Variants in NF1 observed in about 807,000 individuals in gnomAD.
NF1 encodes neurofibromin.
A neutral mutation model predicts 325.7 loss-of-function variants in NF1; 122 were observed. That is an observed-to-expected ratio of 0.37 (90% CI 0.32 to 0.44). The LOEUF is 0.44. Ranked by LOEUF, NF1 falls within the 20% of genes least tolerant of loss-of-function variation. The probability of loss-of-function intolerance (pLI) is 1.00; values close to 1 mark genes in which losing one functional copy is unlikely to be tolerated. For missense variants in NF1, 2,140 were observed against 3,415.4 expected, an observed-to-expected ratio of 0.63 and a Z score of 9.31; for synonymous variants, 1,091 against 1,186.0, an observed-to-expected ratio of 0.92 and a Z score of 1.65.
chr17:31,109,704 A>C (rs74728167), intron 1 of NF1, among the ~76,000 whole-genome samples: 2,258 of 152,236 alleles, frequency 0.015, 30 homozygotes, highest in Non-Finnish European at 0.024. Flanking sequence ...TTTCAACTAG[A>C]ACAATTAGAA....
intron 8 of NF1, among the ~76,000 whole-genome samples, chr17:31,183,715 C>G (rs950454566): frequency 3.9e-5 from 6 of 152,092 alleles, no homozygotes; most frequent in Admixed American, 3.9e-4. Flanking sequence ...GGCAGACCCA[C>G]CCTTAATCTG....
At chr17:31,310,600 T>C (rs902445496) in intron 36 of NF1, among the ~76,000 whole-genome samples, 1 of 152,254 alleles carries the variant, frequency 6.6e-6, no homozygotes, top group Non-Finnish European at 1.5e-5. Context: ...CATTTCAGGC[T>C]CTCCTGTCTG....
chr17:31,327,529 G>A lies in NF1; in HGVS notation c.5299G>A (p.Ala1767Thr), dbSNP rs529905904. The part of the protein sequence containing the change: ...VGSTAVQVTS[A>T]ERTKVLGQSV... ...TTCTACTGCTGTCCAAGTAACTTCA[G>A]CAGAGCGAACAAAAGTCCTAGGGCA... Residue 1767 changes from alanine to threonine, a missense_variant, in exon 38 of 58, where the codon GCA becomes ACA. By Grantham distance (58) the Ala-to-Thr change is moderately conservative (BLOSUM62 0). This residue lies in a region of NF1 where 147 missense variants were observed against 186.7 expected (regional missense o/e 0.79). Transcript: ENST00000358273. 1 of 1,613,930 alleles carries A rather than the reference G, an allele frequency of 6.2e-7. No individual in the cohort carries two copies. The highest frequency in any genetic ancestry group is 1.7e-5 in the Admixed American group (1 of 60,020).
intron 3 of NF1, among the ~76,000 whole-genome samples, chr17:31,159,535 A>T (rs975201586): frequency 7.2e-5 from 11 of 152,320 alleles, no homozygotes; most frequent in Admixed American, 4.6e-4. Context: ...CCTATTAAGG[A>T]TAGATGTTAC....
At chr17:31,323,384 A>T (rs2069262735) in intron 36 of NF1, among the ~76,000 whole-genome samples, 1 of 152,040 alleles carries the variant, frequency 6.6e-6, no homozygotes, top group East Asian at 1.9e-4. Flanking sequence ...ACTGCAGTCC[A>T]GCCTGAGTTA....
intron 36 of NF1, among the ~76,000 whole-genome samples, chr17:31,286,499 A>C (rs1166965796): frequency 6.6e-6 from 1 of 152,222 alleles, no homozygotes; most frequent in East Asian, 1.9e-4. Context: ...AGAGACTCAT[A>C]ATACTTTATC....
At position 31,182,624 on chromosome 17, in the gene NF1, G is replaced by T. The variant is rs200572531; in HGVS notation, c.847G>T (p.Asp283Tyr). 15 of 1,613,766 alleles carry T rather than the reference G, an allele frequency of 9.3e-6. No homozygotes were observed. The highest frequency in any genetic ancestry group is 1.3e-5 in the African/African-American group (1 of 74,918). Reference protein sequence around the residue: ...LLILCPEIIQDISKDVVDENN... With the variant: ...LLILCPEIIQYISKDVVDENN... ...TATCTTGTGTCCAGAAATAATCCAG[G>T]ATATATCCAAAGACGTGGTTGATGA... Residue 283 changes from aspartate (D) to tyrosine (Y), a missense_variant, in exon 8 of 58, where the codon GAT (aspartate) becomes TAT (tyrosine). Around this residue, in one of 10 missense-constraint regions of NF1, gnomAD observed 246 missense variants for 347.8 expected, o/e 0.71. Transcript: ENST00000358273.
chr17:31,284,984 C>G (rs2068196771), intron 36 of NF1, among the ~76,000 whole-genome samples: 1 of 151,988 alleles, frequency 6.6e-6, no homozygotes, highest in Non-Finnish European at 1.5e-5. Context: ...GCCGGGCATG[C>G]TTTGCGCGCC....
intron 8 of NF1, among the ~76,000 whole-genome samples, chr17:31,186,448 G>T (rs2066240846): frequency 6.6e-6 from 1 of 152,222 alleles, no homozygotes; most frequent in South Asian, 2.1e-4. Context: ...AGTGCACGTG[G>T]TTGTGTACTT....
intron 36 of NF1, among the ~76,000 whole-genome samples, chr17:31,284,448 C>A (rs1329278146): frequency 6.6e-6 from 1 of 151,992 alleles, no homozygotes; most frequent in Non-Finnish European, 1.5e-5. Flanking sequence ...CCATGCCCAG[C>A]TAAGTTTTGT....
chr17:31,120,747 C>T (rs1205257294), intron 1 of NF1, among the ~76,000 whole-genome samples: 4 of 151,492 alleles, frequency 2.6e-5, no homozygotes. Flanking sequence ...TGTAACAAAC[C>T]TGCACATTCT....
chr17:31,126,675 C>A (rs929267707), intron 1 of NF1, among the ~76,000 whole-genome samples: 1 of 152,020 alleles, frequency 6.6e-6, no homozygotes, highest in Non-Finnish European at 1.5e-5. Context: ...TTCGTGAGCT[C>A]CAGTGATCTA....
intron 48 of NF1, among the ~76,000 whole-genome samples, chr17:31,346,646 TG>T (rs1161754377): frequency 3.3e-5 from 5 of 151,800 alleles, no homozygotes; most frequent in African/African-American, 7.3e-5. Flanking sequence ...CTTTCTGGTG[TG>T]TGCCCTCCTG....
chr17:31,302,142 TA>T (rs1314566375), intron 36 of NF1, among the ~76,000 whole-genome samples: 2 of 151,886 alleles, frequency 1.3e-5, no homozygotes, highest in East Asian at 3.9e-4. Flanking sequence ...TTAAAAAAAA[TA>T]AAAGGAAAAA....
intron 1 of NF1, chr17:31,133,456 C>A (rs1226189318): frequency 6.6e-6 from 1 of 152,162 alleles, no homozygotes; most frequent in Non-Finnish European, 1.5e-5. Context: ...TGTGCAGATA[C>A]CACTTCAAGA....
At position 31,334,029 on chromosome 17, in the gene NF1, G is replaced by A. The variant is rs556954659; in HGVS notation, c.5813-809G>A. ...AGGCCAGGGGTGGTGGCTCACGCCT[G>A]TAATCCCAGCACTTTGGGAGGCCGA... On this transcript the variant is annotated intron_variant, in intron 39 of 57. Coordinates refer to ENST00000358273, the MANE Select transcript of NF1 (RefSeq NM_001042492.3). 4.6e-5 allele frequency among the ~76,000 whole-genome samples: 7 copies of A among 152,322 alleles called. No individual in the cohort carries two copies. In the East Asian group the frequency reaches 1.2e-3, roughly 25 times the overall value.
chr17:31,304,633 A>G lies in NF1; in HGVS notation c.4836-21187A>G, dbSNP rs376449134. 3.0e-5 allele frequency: 48 copies of G among 1,614,154 alleles called. No homozygotes were observed. In the African/African-American group the frequency reaches 3.9e-4, roughly 13 times the overall value. ...ATCTGAAGAAGAAACAGCAGTTCCA[A>G]CTGTTGAACCATCAGCACTATCTTC... is the stretch of plus-strand genomic sequence containing the variant. On this transcript the variant is annotated intron_variant, in intron 36 of 57. Coordinates refer to ENST00000358273, the MANE Select transcript of NF1 (RefSeq NM_001042492.3).
At position 31,336,589 on chromosome 17, in the gene NF1, G is replaced by C. The variant is rs2069675567; in HGVS notation, c.6148-46G>C. ...GAACTTTTTTGTGCTAAAACTTTGAGTCCCATGTTTTTTTTTTTAAAAAAA... is the reference window on the plus strand; with the variant it reads ...GAACTTTTTTGTGCTAAAACTTTGACTCCCATGTTTTTTTTTTTAAAAAAA... On this transcript the variant is annotated intron_variant, in intron 41 of 57. Coordinates refer to ENST00000358273, the MANE Select transcript of NF1 (RefSeq NM_001042492.3). This position sits in a 1 kb window ranked among gnomAD's most constrained non-coding sequence, Gnocchi z 5.5. 6.5e-7 allele frequency: 1 copy of C among 1,549,194 alleles called. No homozygotes were observed. The highest frequency in any genetic ancestry group is 1.5e-5 in the African/African-American group (1 of 64,684).
chr17:31,157,434 C>T (rs1285157928), intron 2 of NF1, among the ~76,000 whole-genome samples: 1 of 152,100 alleles, frequency 6.6e-6, no homozygotes, highest in Non-Finnish European at 1.5e-5. Context: ...ATTGAAAAGA[C>T]ATGAAGTTAC....
Sources: gnomAD v4.1 joint callset for allele counts (sites outside exome capture counted in the v4.1 genomes callset) on GRCh38, gnomAD v4.1.1 for gene constraint, gnomAD v4.1.1 regional missense constraint, Gnocchi (gnomAD v3.1) non-coding constraint, MANE v1.5 for transcripts, NCBI Gene and HGNC (gene_info 2026-07-23, HGNC 2026-07-21) for gene names.